The following ACYP2 variants were observed in gnomAD, a reference collection of about 807,000 sequenced individuals.
The protein encoded by ACYP2 is acylphosphatase-2.
A neutral mutation model predicts 11.2 loss-of-function variants in ACYP2; 12 were observed. That is an observed-to-expected ratio of 1.08 (90% CI 0.69 to 1.74). The LOEUF (loss-of-function observed/expected upper bound fraction) is 1.74, where lower values mean the gene tolerates loss of function less well. ACYP2 is among the 40% of genes most tolerant of loss of function. The pLI, the probability that ACYP2 is intolerant of heterozygous loss-of-function variation, is 0.00. For synonymous variants in ACYP2, 43 were observed against 32.2 expected (o/e 1.33, Z -1.13); for missense variants, 134 against 101.9 (o/e 1.31, Z -1.35).
At chr2:54,145,204 T>C (rs1424036057) in intron 6 of ACYP2, among the ~76,000 whole-genome samples, 1 of 152,222 alleles carries the variant, frequency 6.6e-6, no homozygotes, top group Non-Finnish European at 1.5e-5. Context: ...TATTTGATTA[T>C]AATCTGAGAA....
intron 3 of ACYP2, chr2:54,051,221 G>C (rs58694216): frequency 1.2e-6 from 1 of 845,660 alleles, no homozygotes; most frequent in African/African-American, 1.7e-5. Context: ...GGGCAAAGGA[G>C]ATCCTAAGAA....
intron 6 of ACYP2, among the ~76,000 whole-genome samples, chr2:54,273,278 A>G (rs138904449): frequency 6.6e-5 from 10 of 152,380 alleles, no homozygotes; most frequent in African/African-American, 2.4e-4. Context: ...ATTTAAACAT[A>G]CAAAGTTTTA....
At chr2:54,037,739 T>C (rs1335267977) in intron 2 of ACYP2, among the ~76,000 whole-genome samples, 3 of 152,064 alleles carry the variant, frequency 2.0e-5, no homozygotes. Flanking sequence ...TTTAAAAAAG[T>C]GAATAAAATA....
Position 54,171,967 on chromosome 2 carries a change from A to G in ACYP2, c.404+33219A>G, listed in dbSNP as rs1683238939. Among the ~76,000 whole-genome samples the G allele has an allele frequency of 5.9e-5, 9 of 152,226 alleles. No individual in the cohort carries two copies. In the South Asian group the frequency reaches 1.9e-3, roughly 32 times the overall value. On this transcript the variant is annotated intron_variant, in intron 6 of 6. Coordinates refer to ENST00000607452, the MANE Select transcript of ACYP2 (RefSeq NM_001320586.2). ...GGCGGTTCACACCTGTAATCCTACC[A>G]CTTTAGGAGGTTGAGGGAGGAGGAT...
At chr2:53,974,610 A>G (rs1241917667) in intron 2 of ACYP2, among the ~76,000 whole-genome samples, 1 of 152,198 alleles carries the variant, frequency 6.6e-6, no homozygotes, top group Non-Finnish European at 1.5e-5. Context: ...TATCTGCACA[A>G]TTTAATGATT....
At chr2:54,091,154 C>T (rs1678202172) in intron 4 of ACYP2, among the ~76,000 whole-genome samples, 1 of 152,164 alleles carries the variant, frequency 6.6e-6, no homozygotes, top group Non-Finnish European at 1.5e-5. Context: ...CATTTCAAAG[C>T]AGCTCAAAGG....
At chr2:54,198,100 A>T (rs1432817530) in intron 6 of ACYP2, among the ~76,000 whole-genome samples, 7 of 151,784 alleles carry the variant, frequency 4.6e-5, no homozygotes, top group African/African-American at 1.7e-4. Context: ...GCTCACTGCA[A>T]CCTTGGGCTC....
At chr2:54,265,827 G>T (rs1297753678) in intron 6 of ACYP2, among the ~76,000 whole-genome samples, 1 of 152,188 alleles carries the variant, frequency 6.6e-6, no homozygotes, top group East Asian at 1.9e-4. Context: ...TCCCAGAATT[G>T]TTGTGAAGCA....
chr2:54,286,785 CT>C (rs1385456812), intron 6 of ACYP2, among the ~76,000 whole-genome samples: 1 of 151,976 alleles, frequency 6.6e-6, no homozygotes, highest in African/African-American at 2.4e-5. Flanking sequence ...GGTTTGAAAA[CT>C]TTCAAAGACA....
At chr2:54,180,855 CA>C (rs1404417013) in intron 6 of ACYP2, among the ~76,000 whole-genome samples, 1 of 152,242 alleles carries the variant, frequency 6.6e-6, no homozygotes, top group South Asian at 2.1e-4. Context: ...GCGCCCAGCC[CA>C]AATATATATT....
chr2:54,048,433 G>GA (rs933183099), intron 2 of ACYP2, among the ~76,000 whole-genome samples: 3 of 150,372 alleles, frequency 2.0e-5, no homozygotes, highest in African/African-American at 7.3e-5. Flanking sequence ...TCAAGAAAAA[G>GA]AAAAAAAAAT....
rs762177172 is a variant in ACYP2, at chr2:54,249,885, G to A, written c.405-54803G>A. 2.1e-5 allele frequency among the ~76,000 whole-genome samples: 3 copies of A among 142,232 alleles called. No homozygotes were observed. In the Admixed American group the frequency reaches 2.2e-4, roughly 10 times the overall value. 93.3% of individuals were successfully genotyped at this position (142,232 alleles called of 152,430 possible). On this transcript the variant is annotated intron_variant, in intron 6 of 6. Transcript: ENST00000607452. Reference sequence around the variant, plus strand: ...AGCCCAGGAACAGTGAGGCTGCAGTGAGCTGTGATTGTACCACTGCACTCC... The same window carrying A: ...AGCCCAGGAACAGTGAGGCTGCAGTAAGCTGTGATTGTACCACTGCACTCC...
At chr2:54,057,679 ATATATATGTGTG>A (rs1676229466) in intron 4 of ACYP2, among the ~76,000 whole-genome samples, 1 of 152,184 alleles carries the variant, frequency 6.6e-6, no homozygotes, top group African/African-American at 2.4e-5. Flanking sequence ...ACTGTTTTAT[ATATATATGTGTG>A]TATATATATG....
intron 5 of ACYP2, among the ~76,000 whole-genome samples, chr2:54,137,594 C>T (rs1681328029): frequency 6.6e-6 from 1 of 152,130 alleles, no homozygotes; most frequent in Non-Finnish European, 1.5e-5. Flanking sequence ...CATTCATGTT[C>T]CTTCAAAGGA....
chr2:54,240,819 C>T (rs843656), intron 6 of ACYP2, among the ~76,000 whole-genome samples: 72,156 of 152,072 alleles, frequency 0.47, 18,091 homozygotes, highest in African/African-American at 0.65. Context: ...ACTATGTTTT[C>T]CTTGCTTCAG....
chr2:54,028,722 A>T (rs930838803), intron 2 of ACYP2, among the ~76,000 whole-genome samples: 10 of 152,164 alleles, frequency 6.6e-5, no homozygotes, highest in African/African-American at 2.4e-4. Flanking sequence ...AATACCATTT[A>T]CTACTCTCCT....
At chr2:54,264,032 T>A (rs927952161) in intron 6 of ACYP2, among the ~76,000 whole-genome samples, 8 of 152,170 alleles carry the variant, frequency 5.3e-5, no homozygotes, top group African/African-American at 1.7e-4. Flanking sequence ...ATTGGTTCCA[T>A]CTGGTGGGTT....
intron 6 of ACYP2, among the ~76,000 whole-genome samples, chr2:54,209,673 A>ATTGT (rs1685244285): frequency 2.6e-5 from 4 of 152,294 alleles, no homozygotes; most frequent in African/African-American, 9.6e-5. Flanking sequence ...TTGAGACAAA[A>ATTGT]AATGAAAGCA....
chr2:54,276,768 TAAAAA>T (rs1396845969), intron 6 of ACYP2, among the ~76,000 whole-genome samples: 1 of 152,020 alleles, frequency 6.6e-6, no homozygotes, highest in Non-Finnish European at 1.5e-5. Context: ...TGAAAATAAT[TAAAAA>T]AGGAAAGAAT....
Sources: gnomAD v4.1 joint callset for allele counts (sites outside exome capture counted in the v4.1 genomes callset) on GRCh38, gnomAD v4.1.1 for gene constraint, MANE v1.5 for transcripts, NCBI Gene and HGNC (gene_info 2026-07-23, HGNC 2026-07-21) for gene names.